The following CAST variants were observed in gnomAD, a reference collection of about 807,000 sequenced individuals.
The protein encoded by CAST is MIR583 host.
In CAST, 76 loss-of-function variants were observed where a neutral mutation model predicts 119.6. The ratio of observed to expected loss-of-function variants is 0.64; its 90% CI spans 0.53 to 0.77. The LOEUF (loss-of-function observed/expected upper bound fraction) is 0.77. CAST is among the 30% of genes least tolerant of loss of function. The pLI, the probability that CAST is intolerant of heterozygous loss-of-function variation, is 0.00. For missense variants in CAST, 953 were observed against 946.5 expected, an observed-to-expected ratio of 1.01 and a Z score of -0.09; for synonymous variants, 319 against 331.6, an observed-to-expected ratio of 0.96 and a Z score of 0.41.
the CAST span, among the ~76,000 whole-genome samples, chr5:96,187,873 G>C: frequency 3.3e-5 from 5 of 152,206 alleles, no homozygotes; most frequent in Non-Finnish European, 5.9e-5. Context: ...ATGACTACCT[G>C]TGAGCAGTCC....
intron 1 of CAST, among the ~76,000 whole-genome samples, chr5:96,627,481 C>G (rs574490244): frequency 6.6e-6 from 1 of 152,076 alleles, no homozygotes; most frequent in Non-Finnish European, 1.5e-5. Flanking sequence ...TCTCAAATAC[C>G]ATTATCTGGC....
the CAST span, among the ~76,000 whole-genome samples, chr5:96,182,680 C>A: frequency 6.6e-6 from 1 of 152,074 alleles, no homozygotes; most frequent in Non-Finnish European, 1.5e-5. Flanking sequence ...ATTTATTCAA[C>A]AAATATGTAT....
the CAST span, chr5:96,433,088 A>G: frequency 6.3e-7 from 1 of 1,583,748 alleles, no homozygotes; most frequent in Admixed American, 1.7e-5. Context: ...AAGAGGAAAA[A>G]GAAGCAAGAT....
the CAST span, among the ~76,000 whole-genome samples, chr5:96,175,763 C>T: frequency 6.6e-6 from 1 of 152,214 alleles, no homozygotes; most frequent in Non-Finnish European, 1.5e-5. Flanking sequence ...TGCTTCCACT[C>T]AGTGAGATAG....
chr5:96,146,399 A>C, the CAST span, among the ~76,000 whole-genome samples: 1 of 152,206 alleles, frequency 6.6e-6, no homozygotes, highest in African/African-American at 2.4e-5. Flanking sequence ...GATGTGTTAA[A>C]ATGCAGATTG....
the CAST span, among the ~76,000 whole-genome samples, chr5:96,511,335 G>A: frequency 6.6e-6 from 1 of 151,980 alleles, no homozygotes. Context: ...AGTAGAGACG[G>A]GTTTCATCAT....
the CAST span, among the ~76,000 whole-genome samples, chr5:96,135,772 T>A: frequency 6.6e-6 from 1 of 152,070 alleles, no homozygotes; most frequent in Non-Finnish European, 1.5e-5. Flanking sequence ...AAAATGTGTA[T>A]ATGAGGCCAG....
At chr5:96,447,903 C>T in the CAST span, among the ~76,000 whole-genome samples, 1 of 151,718 alleles carries the variant, frequency 6.6e-6, no homozygotes, top group Non-Finnish European at 1.5e-5. Flanking sequence ...TTATGGAAAA[C>T]ATAAAACAAG....
the CAST span, among the ~76,000 whole-genome samples, chr5:96,371,364 T>A: frequency 6.6e-6 from 1 of 152,188 alleles, no homozygotes; most frequent in Non-Finnish European, 1.5e-5. Flanking sequence ...TGATAGCCCA[T>A]GGGGGAGGAG....
At chr5:96,155,904 C>A in the CAST span, among the ~76,000 whole-genome samples, 478 of 152,282 alleles carry the variant, frequency 3.1e-3, 1 homozygote, top group Non-Finnish European at 3.7e-3. Flanking sequence ...TTGTGCCAGG[C>A]CCTACCCTTT....
the CAST span, among the ~76,000 whole-genome samples, chr5:96,073,008 G>A: frequency 1.3e-5 from 2 of 152,152 alleles, no homozygotes; most frequent in South Asian, 2.1e-4. Context: ...TTGTTTATTC[G>A]AGATTGTTTA....
At chr5:96,733,164 CAAACTT>C (rs141730887) in intron 9 of CAST, among the ~76,000 whole-genome samples, 2,960 of 152,200 alleles carry the variant, frequency 0.019, 50 homozygotes, top group Non-Finnish European at 0.032. Flanking sequence ...ATGAAAATAT[CAAACTT>C]AAAATTGTTT....
At chr5:96,731,473 GTT>G (rs201905440) in intron 9 of CAST, among the ~76,000 whole-genome samples, 21,109 of 112,532 alleles carry the variant, frequency 0.19, 1,698 homozygotes, top group Admixed American at 0.29. Flanking sequence ...ATCCTTTAAG[GTT>G]TTTTTTTTTT....
the CAST span, among the ~76,000 whole-genome samples, chr5:96,216,709 T>C: frequency 2.0e-5 from 3 of 152,252 alleles, no homozygotes; most frequent in African/African-American, 7.2e-5. Flanking sequence ...ACTCTAATTT[T>C]AGTTTGAAAG....
chr5:96,145,145 T>C, the CAST span, among the ~76,000 whole-genome samples: 1 of 152,242 alleles, frequency 6.6e-6, no homozygotes, highest in Non-Finnish European at 1.5e-5. Context: ...TCTTCAGCTA[T>C]CAGTTAATAG....
At chr5:96,236,932 C>A in the CAST span, among the ~76,000 whole-genome samples, 2 of 152,288 alleles carry the variant, frequency 1.3e-5, no homozygotes, top group South Asian at 4.2e-4. Context: ...AATGCCGTGG[C>A]CTCTTTCCTG....
the CAST span, among the ~76,000 whole-genome samples, chr5:96,470,565 G>C: frequency 6.6e-6 from 1 of 152,016 alleles, no homozygotes; most frequent in African/African-American, 2.4e-5. Flanking sequence ...AGAGCACTGT[G>C]TGTCAACTGG....
At chr5:96,695,668 C>A in intron 2 of CAST, 168 bp from the exon 3 acceptor site, 1 of 478,618 alleles carries the variant, frequency 2.1e-6, no homozygotes, top group Non-Finnish European at 3.9e-6. Flanking sequence ...TTTGTATCAT[C>A]TTCAGGCAAA....
At chr5:96,460,165 T>A in the CAST span, among the ~76,000 whole-genome samples, 1 of 151,916 alleles carries the variant, frequency 6.6e-6, no homozygotes, top group African/African-American at 2.4e-5. Context: ...GTGGTTGGAG[T>A]TTCAATGTCC....
Sources: gnomAD v4.1 joint callset for allele counts (sites outside exome capture counted in the v4.1 genomes callset) on GRCh38, gnomAD v4.1.1 for gene constraint, MANE v1.5 for transcripts, NCBI Gene and HGNC (gene_info 2026-07-23, HGNC 2026-07-21) for gene names.